Variants in NSD1 observed in about 807,000 individuals in gnomAD.
NSD1 encodes the protein histone-lysine N-methyltransferase, H3 lysine-36 specific.
NSD1 carries 26 observed loss-of-function variants against 242.7 expected under a neutral mutation model. That is an observed-to-expected ratio of 0.11 (90% CI 0.08 to 0.15). The LOEUF (loss-of-function observed/expected upper bound fraction) is 0.15. NSD1 is among the 10% of genes least tolerant of loss of function. NSD1 has a pLI of 1.00. For synonymous variants in NSD1, 1,106 were observed against 1,178.1 expected (o/e 0.94, Z 1.25); for missense variants, 2,495 against 3,272.8 (o/e 0.76, Z 5.80).
At chr5:177,147,675 C>T (rs10036760) in intron 2 of NSD1, among the ~76,000 whole-genome samples, 35,356 of 151,186 alleles carry the variant, frequency 0.23, 5,468 homozygotes, top group East Asian at 0.51. Flanking sequence ...CTGCAACCTC[C>T]GCCTCCCAGG....
intron 8 of NSD1, among the ~76,000 whole-genome samples, chr5:177,240,574 G>T (rs542708936): frequency 6.6e-6 from 1 of 152,038 alleles, no homozygotes; most frequent in Non-Finnish European, 1.5e-5. Context: ...TTAGCTGGGC[G>T]TGGTGGCAGG....
chr5:177,142,423 T>C (rs1358883674), intron 2 of NSD1, among the ~76,000 whole-genome samples: 1 of 152,202 alleles, frequency 6.6e-6, no homozygotes, highest in Non-Finnish European at 1.5e-5. Flanking sequence ...GTAGGTGTTA[T>C]GTATGCAGTA....
intron 1 of NSD1, 41 bp from the exon 2 acceptor site, chr5:177,135,046 G>C: frequency 6.5e-7 from 1 of 1,544,476 alleles, no homozygotes; most frequent in Non-Finnish European, 9.0e-7. Flanking sequence ...GAGTCAGATG[G>C]CCTATTAACT....
intron 16 of NSD1, among the ~76,000 whole-genome samples, chr5:177,271,225 G>A (rs1364705610): frequency 2.0e-5 from 3 of 152,192 alleles, no homozygotes; most frequent in South Asian, 2.1e-4. Context: ...TGTGGCAGAA[G>A]TGTGTATTGT....
intron 2 of NSD1, among the ~76,000 whole-genome samples, chr5:177,149,818 A>G (rs956256831): frequency 2.0e-5 from 3 of 152,140 alleles, no homozygotes; most frequent in Admixed American, 2.0e-4. Flanking sequence ...ACCTCCTGCT[A>G]TGCAGCCCGG....
intron 11 of NSD1, among the ~76,000 whole-genome samples, chr5:177,250,562 G>GTT (rs34022431): frequency 6.3e-4 from 88 of 140,228 alleles, no homozygotes; most frequent in African/African-American, 1.8e-3. Context: ...CTGAAGGTCA[G>GTT]TTTTTTTTTT....
At position 177,295,436 on chromosome 5, in the gene NSD1, T is replaced by G; in HGVS notation, c.8068T>G (p.Cys2690Gly). The G allele has an allele frequency of 1.9e-6, 3 of 1,614,088 alleles. No homozygotes were observed. Among genetic ancestry groups the G allele is most frequent in the South Asian group, 2.2e-5 (2 of 91,092 alleles). Residue 2690 changes from cysteine (C) to glycine (G), a missense_variant, in exon 23 of 23, where the codon TGT becomes GGT. By Grantham distance (159) the Cys-to-Gly change is radical. Coordinates refer to ENST00000439151, the MANE Select transcript of NSD1 (RefSeq NM_022455.5). The surrounding 1 kb of genome is among the most constrained non-coding windows in gnomAD (Gnocchi z 4.3). ...TAACCAGGCTCCTTCCAGTCACAAG[T>G]GTGCAGAATCAGAACAGAAGTAGTA... Reference protein sequence around the residue: ...ALNQAPSSHKCAESEQK With the variant: ...ALNQAPSSHKGAESEQK
chr5:177,153,321 C>T (rs1315549172), intron 2 of NSD1, among the ~76,000 whole-genome samples: 2 of 151,424 alleles, frequency 1.3e-5, no homozygotes, highest in African/African-American at 4.9e-5. Context: ...AGGATTTTAC[C>T]ATTTTACACA....
At chr5:177,205,314 G>A (rs571640857) in intron 4 of NSD1, among the ~76,000 whole-genome samples, 64 of 151,272 alleles carry the variant, frequency 4.2e-4, no homozygotes, top group Middle Eastern at 3.4e-3. Flanking sequence ...GGGATTACAG[G>A]CGTGAGCCAC....
rs1180475727 is a variant in NSD1, at chr5:177,238,027, T to C, written c.3922-210T>C. The stretch of plus-strand genomic sequence containing the variant: ...CTATTTTCTGTCTCAAGAATTTTCT[T>C]ATTCTAGATACCTCATATACTTGAA... On this transcript the variant is annotated intron_variant, in intron 6 of 22. Coordinates refer to ENST00000439151, the MANE Select transcript of NSD1 (RefSeq NM_022455.5). This position sits in a 1 kb window ranked among gnomAD's most constrained non-coding sequence, Gnocchi z 4.6. Among the ~76,000 whole-genome samples the C allele has an allele frequency of 6.6e-6, 1 of 152,202 alleles. No homozygotes were observed. Among genetic ancestry groups the C allele is most frequent in the Non-Finnish European group, 1.5e-5 (1 of 68,038 alleles).
intron 2 of NSD1, chr5:177,169,410 C>G (rs1759505661): frequency 6.4e-6 from 1 of 156,334 alleles, no homozygotes; most frequent in African/African-American, 2.4e-5. Flanking sequence ...CGACGTTGAG[C>G]TCTTCGACAA....
At chr5:177,156,298 AGCCTCCTGAGTGGCTG>A (rs1344413399) in intron 2 of NSD1, among the ~76,000 whole-genome samples, 3 of 144,960 alleles carry the variant, frequency 2.1e-5, no homozygotes, top group Non-Finnish European at 4.4e-5. Flanking sequence ...CTCTTGCCTC[AGCCTCCTGAGTGGCTG>A]GGACTACAGG....
intron 2 of NSD1, among the ~76,000 whole-genome samples, chr5:177,161,275 G>T (rs1758724092): frequency 6.6e-6 from 1 of 152,012 alleles, no homozygotes; most frequent in Non-Finnish European, 1.5e-5. Context: ...CCAGCTACTT[G>T]GGTGGTTGAG....
chr5:177,144,253 G>A (rs1056321275), intron 2 of NSD1, among the ~76,000 whole-genome samples: 1 of 151,010 alleles, frequency 6.6e-6, no homozygotes, highest in East Asian at 1.9e-4. Flanking sequence ...ACAGGGTCTT[G>A]TACTGTTTCC....
chr5:177,148,124 T>C (rs28810729), intron 2 of NSD1, among the ~76,000 whole-genome samples: 2 of 151,994 alleles, frequency 1.3e-5, no homozygotes, highest in Non-Finnish European at 2.9e-5. Context: ...GTTAAGTTTT[T>C]TTTTTTTCCT....
rs750070622 is a variant in NSD1, at chr5:177,228,265, CT to C, written c.3797-7542del. On this transcript the variant is annotated intron_variant, in intron 5 of 22. Transcript: ENST00000439151. ...ATTGGCCTTTTTTTCTTTTTCTTTT[CT>C]TTTTTTTTTTTTTGAGTTAGAGTCT... Among the ~76,000 whole-genome samples, 773 of 138,148 alleles carry C rather than the reference CT, an allele frequency of 5.6e-3. 2 individuals carry two copies. The highest frequency in any genetic ancestry group is 6.6e-3 in the Non-Finnish European group (416 of 63,064). 90.6% of individuals were successfully genotyped at this position (138,148 alleles called of 152,430 possible). A position where few individuals can be genotyped will look rare whatever the true frequency, so the allele number is the denominator to read the frequency against.
intron 5 of NSD1, among the ~76,000 whole-genome samples, chr5:177,227,952 A>G (rs1487637149): frequency 6.6e-6 from 1 of 151,938 alleles, no homozygotes. Context: ...CTCTCAAAAA[A>G]AAAAAAAAGC....
At chr5:177,233,992 G>T (rs1311285970) in intron 5 of NSD1, among the ~76,000 whole-genome samples, 1 of 152,176 alleles carries the variant, frequency 6.6e-6, no homozygotes, top group Non-Finnish European at 1.5e-5. Flanking sequence ...TGCCATATAT[G>T]CTGTTGTCAG....
intron 9 of NSD1, among the ~76,000 whole-genome samples, chr5:177,245,308 CTACAACA>C (rs1392206759): frequency 3.3e-5 from 5 of 152,242 alleles, no homozygotes; most frequent in Non-Finnish European, 7.4e-5. Context: ...AAAATAAAAC[CTACAACA>C]TGAACTTTAT....
Sources: gnomAD v4.1 joint callset for allele counts (sites outside exome capture counted in the v4.1 genomes callset) on GRCh38, gnomAD v4.1.1 for gene constraint, Gnocchi (gnomAD v3.1) non-coding constraint, MANE v1.5 for transcripts, NCBI Gene and HGNC (gene_info 2026-07-23, HGNC 2026-07-21) for gene names.